RNGTT: variants seen among roughly 807,000 people sequenced by gnomAD.
The protein encoded by RNGTT is mRNA-capping enzyme.
In RNGTT, 33 loss-of-function variants were observed where a neutral mutation model predicts 79.3. That is an observed-to-expected ratio of 0.42 (90% CI 0.32 to 0.56). The LOEUF (loss-of-function observed/expected upper bound fraction) is 0.56, where lower values mean the gene tolerates loss of function less well. Among genes scored for constraint, RNGTT ranks in the 20% least tolerant of loss-of-function variants. RNGTT has a pLI of 0.17. For missense variants in RNGTT, 497 were observed against 739.1 expected (o/e 0.67, Z 3.80); for synonymous variants, 222 against 235.9 (o/e 0.94, Z 0.54).
At chr6:88,737,776 T>C (rs767072496) in intron 13 of RNGTT, among the ~76,000 whole-genome samples, 2 of 152,200 alleles carry the variant, frequency 1.3e-5, no homozygotes, top group Non-Finnish European at 2.9e-5. Flanking sequence ...TCTAGAACTA[T>C]AAGAAAATAG....
chr6:88,715,178 A>G (rs974613267), intron 13 of RNGTT, among the ~76,000 whole-genome samples: 1 of 152,184 alleles, frequency 6.6e-6, no homozygotes, highest in African/African-American at 2.4e-5. Flanking sequence ...ATAATAGACA[A>G]ACAGAGAGCC....
intron 13 of RNGTT, among the ~76,000 whole-genome samples, chr6:88,766,944 A>G (rs1490139629): frequency 6.6e-6 from 1 of 152,130 alleles, no homozygotes; most frequent in African/African-American, 2.4e-5. Context: ...TCGAACTAGT[A>G]TAGACATATT....
At position 88,612,334 on chromosome 6, in the gene RNGTT, AAATACTGTTTTATGGGC is replaced by A. The variant is rs770144472; in HGVS notation, c.*368_*384del. On this transcript the variant is annotated 3_prime_UTR_variant, in exon 16 of 16. Coordinates refer to ENST00000369485, the MANE Select transcript of RNGTT (RefSeq NM_003800.5). ...CTACAGTTGTAACACAACTTCTAAA[AAATACTGTTTTATGGGC>A]TCACAGTTTCCAGATTGTTAACTTT... The A allele has an allele frequency of 2.6e-5, 4 of 155,458 alleles. No individual in the cohort carries two copies. The highest frequency in any genetic ancestry group is 5.7e-5 in the Non-Finnish European group (4 of 70,110). The allele number at this position is 155,458 out of a possible 1,614,324, so 9.6% of individuals were successfully genotyped here. A position where few individuals can be genotyped will look rare whatever the true frequency, so the allele number is the denominator to read the frequency against.
intron 11 of RNGTT, among the ~76,000 whole-genome samples, chr6:88,816,724 G>A (rs892957135): frequency 6.6e-6 from 1 of 152,040 alleles, no homozygotes; most frequent in Admixed American, 6.5e-5. Context: ...AAACCTTTGC[G>A]AGCACCCTAG....
intron 11 of RNGTT, among the ~76,000 whole-genome samples, chr6:88,818,561 G>A (rs1215086278): frequency 6.6e-6 from 1 of 152,206 alleles, no homozygotes; most frequent in African/African-American, 2.4e-5. Flanking sequence ...GGCAACCAGA[G>A]TGAAACTCCG....
chr6:88,620,168 C>A (rs528417446), intron 14 of RNGTT, among the ~76,000 whole-genome samples: 2 of 152,274 alleles, frequency 1.3e-5, no homozygotes, highest in East Asian at 3.9e-4. Context: ...AGGTTAGAAA[C>A]CCAGCAACAG....
chr6:88,746,006 G>A (rs1777647946), intron 13 of RNGTT, among the ~76,000 whole-genome samples: 1 of 152,130 alleles, frequency 6.6e-6, no homozygotes, highest in Non-Finnish European at 1.5e-5. Context: ...TGAGTACAGA[G>A]CAGTGAAGGG....
intron 6 of RNGTT, among the ~76,000 whole-genome samples, chr6:88,894,046 T>C (rs1783143347): frequency 1.3e-5 from 2 of 152,196 alleles, no homozygotes; most frequent in South Asian, 4.1e-4. Context: ...AACCTGAAAA[T>C]ACCCATCTTC....
chr6:88,662,910 G>T (rs1301364151), intron 14 of RNGTT, among the ~76,000 whole-genome samples: 1 of 152,216 alleles, frequency 6.6e-6, no homozygotes, highest in Admixed American at 6.5e-5. Context: ...AGTGTGGGCT[G>T]ATCACCCACA....
At chr6:88,626,191 T>C (rs1196265227) in intron 14 of RNGTT, among the ~76,000 whole-genome samples, 1 of 152,024 alleles carries the variant, frequency 6.6e-6, no homozygotes, top group Non-Finnish European at 1.5e-5. Context: ...TAATTTAATC[T>C]GTACAAGAGT....
At chr6:88,716,587 A>T (rs1418768425) in intron 13 of RNGTT, among the ~76,000 whole-genome samples, 3 of 152,208 alleles carry the variant, frequency 2.0e-5, no homozygotes, top group Admixed American at 6.5e-5. Context: ...ACAATGATAG[A>T]CTGGATTAAG....
intron 14 of RNGTT, among the ~76,000 whole-genome samples, chr6:88,662,604 C>T (rs1403051831): frequency 3.3e-5 from 5 of 152,286 alleles, no homozygotes; most frequent in Middle Eastern, 3.4e-3. Flanking sequence ...TTCTTGGTTC[C>T]CTGACCTGGA....
intron 6 of RNGTT, among the ~76,000 whole-genome samples, chr6:88,898,862 C>CAA (rs34986773): frequency 7.3e-5 from 8 of 110,256 alleles, no homozygotes; most frequent in East Asian, 2.8e-4. Flanking sequence ...TTATATTTTA[C>CAA]AAAAAAAAAA....
intron 11 of RNGTT, among the ~76,000 whole-genome samples, chr6:88,840,859 C>A (rs1461424932): frequency 6.6e-6 from 1 of 152,190 alleles, no homozygotes; most frequent in Non-Finnish European, 1.5e-5. Context: ...TCTGATATTA[C>A]ACATTAGCAA....
At chr6:88,787,350 T>A (rs2127852977) in intron 12 of RNGTT, among the ~76,000 whole-genome samples, 1 of 152,132 alleles carries the variant, frequency 6.6e-6, no homozygotes, top group East Asian at 1.9e-4. Flanking sequence ...TTAAGGAAGA[T>A]CACTCGATAT....
intron 13 of RNGTT, among the ~76,000 whole-genome samples, chr6:88,763,679 C>A (rs1439032240): frequency 1.3e-5 from 2 of 152,090 alleles, no homozygotes; most frequent in Admixed American, 1.3e-4. Context: ...CTTGCTAAGA[C>A]ACATGTAAGA....
chr6:88,935,615 T>G (rs1477034891), intron 2 of RNGTT, among the ~76,000 whole-genome samples: 2 of 152,142 alleles, frequency 1.3e-5, no homozygotes, highest in African/African-American at 4.8e-5. Flanking sequence ...AAAATGTCAT[T>G]GGTATTTTAT....
intron 13 of RNGTT, among the ~76,000 whole-genome samples, chr6:88,679,001 T>G (rs1266735678): frequency 6.6e-6 from 1 of 152,098 alleles, no homozygotes; most frequent in Non-Finnish European, 1.5e-5. Flanking sequence ...CCACCTCTTC[T>G]GCCTCTGCCA....
Position 88,809,444 on chromosome 6 carries a change from T to C in RNGTT, c.1270-7812A>G, listed in dbSNP as rs77566037. Among the ~76,000 whole-genome samples, 1,075 of 152,232 alleles carry C rather than the reference T, an allele frequency of 7.1e-3. 8 individuals are homozygous for C. Among genetic ancestry groups the C allele is most frequent in the Non-Finnish European group, 0.012 (784 of 68,012 alleles). On this transcript the variant is annotated intron_variant, in intron 11 of 15. Coordinates refer to ENST00000369485, the MANE Select transcript of RNGTT (RefSeq NM_003800.5). ...ATCACTATAAAACAACCTGACTTAA[T>C]TGACATTTATAAAAATACTCCACCC... is the stretch of plus-strand genomic sequence containing the variant.
Sources: allele counts gnomAD v4.1 joint callset (sites outside exome capture counted in the v4.1 genomes callset), GRCh38; gene constraint gnomAD v4.1.1; transcripts MANE v1.5; gene names NCBI Gene and HGNC (gene_info 2026-07-23, HGNC 2026-07-21).